The following TCF25 variants were observed in gnomAD, a reference collection of about 807,000 sequenced individuals.
TCF25 encodes the protein ribosome quality control complex subunit TCF25.
Under a neutral mutation model 83.1 loss-of-function variants are expected in TCF25, and 41 were observed. The observed-to-expected ratio is 0.49, with a 90% CI of 0.38 to 0.64. The LOEUF (loss-of-function observed/expected upper bound fraction) is 0.64. Among genes scored for constraint, TCF25 ranks in the 30% least tolerant of loss-of-function variants. The pLI is 0.00. For synonymous variants in TCF25, 458 were observed against 365.0 expected, an observed-to-expected ratio of 1.25 and a Z score of -2.90; for missense variants, 979 against 914.5, an observed-to-expected ratio of 1.07 and a Z score of -0.91.
chr16:89,904,941 G>GC lies in TCF25; in HGVS notation c.1478dup (p.Ala494CysfsTer48). 6.2e-7 allele frequency: 1 copy of GC among 1,605,066 alleles called. No homozygotes were observed. The highest frequency in any genetic ancestry group is 8.5e-7 in the Non-Finnish European group (1 of 1,176,302). ...CAGAGCCCTTGCTCTCCCCCAGCCA[G>GC]CCCCCTGCCCTGAGCCAGCTGGTGA... is the stretch of plus-strand genomic sequence containing the variant. On this transcript the variant is annotated frameshift_variant, in exon 14 of 18. Transcript: ENST00000263346. LOFTEE classifies it high-confidence loss of function.
chr16:89,882,830 G>C (rs1009337998), intron 1 of TCF25, among the ~76,000 whole-genome samples: 1 of 152,102 alleles, frequency 6.6e-6, no homozygotes, highest in Non-Finnish European at 1.5e-5. Flanking sequence ...CAAGTGATCC[G>C]CCTGCATCAA....
intron 9 of TCF25, among the ~76,000 whole-genome samples, chr16:89,896,608 C>T (rs2043873882): frequency 6.9e-6 from 1 of 144,618 alleles, no homozygotes; most frequent in African/African-American, 2.6e-5. Context: ...GGCCGGAGTG[C>T]AGGGGCGCGA....
intron 1 of TCF25, among the ~76,000 whole-genome samples, chr16:89,879,046 C>CA (rs1432971392): frequency 1.3e-5 from 2 of 152,204 alleles, no homozygotes; most frequent in African/African-American, 2.4e-5. Flanking sequence ...ACTGAAGAAG[C>CA]AAAACTAGGC....
In TCF25 at chr16:89,911,062, C is replaced by T; in HGVS notation, c.1873-18C>T. 1.2e-6 allele frequency: 2 copies of T among 1,610,340 alleles called. No homozygotes were observed. On this transcript the variant is annotated intron_variant, in intron 17 of 17. Transcript: ENST00000263346. ...CAGCACAGACAGCCCCCTTCTCAGA[C>T]ATGTCCCCTTGCTGCAGGGGGAGAG...
chr16:89,887,564 C>A lies in TCF25; in HGVS notation c.549-88C>A. On this transcript the variant is annotated intron_variant, in intron 4 of 17. Transcript: ENST00000263346. ...TTCAAACCAAAAATCCGTGTTCTCT[C>A]CTTGACTATTAGGTGGCTTTCTGAA... The A allele has an allele frequency of 2.3e-6, 3 of 1,300,332 alleles. No homozygotes were observed. The South Asian group carries it at 4.7e-5, about 20-fold the overall frequency. The allele number at this position is 1,300,332 out of a possible 1,614,324, so 80.5% of individuals were successfully genotyped here.
At chr16:89,879,122 C>T (rs2042405839) in intron 1 of TCF25, among the ~76,000 whole-genome samples, 1 of 151,194 alleles carries the variant, frequency 6.6e-6, no homozygotes, top group African/African-American at 2.4e-5. Context: ...TGTCCGTGTA[C>T]ACAGATGGGC....
chr16:89,887,692 G>A lies in TCF25; in HGVS notation c.589G>A (p.Ala197Thr). The change falls in exon 5 of 18, where the codon GCC (alanine) becomes ACC (threonine). Residue 197 changes from alanine (A) to threonine (T), a missense_variant. Physicochemically the swap from Ala to Thr is moderately conservative, Grantham distance 58. Transcript: ENST00000263346. Reference protein sequence around the residue: ...PDTELKRYFGARAILGEQRPR... With the variant: ...PDTELKRYFGTRAILGEQRPR... ...CACAGAACTGAAAAGGTATTTTGGT[G>A]CCCGGGCAATCCTGGGGGAGCAAAG... is the stretch of plus-strand genomic sequence containing the variant. 6.3e-7 allele frequency: 1 copy of A among 1,590,692 alleles called. No individual in the cohort carries two copies. Among genetic ancestry groups the A allele is most frequent in the Non-Finnish European group, 8.5e-7 (1 of 1,173,114 alleles).
At chr16:89,905,932 G>A (rs1469195346) in intron 14 of TCF25, among the ~76,000 whole-genome samples, 7 of 152,214 alleles carry the variant, frequency 4.6e-5, no homozygotes, top group East Asian at 1.9e-4. Context: ...CACTGGCTAC[G>A]GCTCTCATCG....
chr16:89,901,036 T>G, intron 12 of TCF25: 2 of 420,474 alleles, frequency 4.8e-6, no homozygotes, highest in Non-Finnish European at 8.8e-6. Context: ...GTGGGGCCTG[T>G]GTTCTAGAGT....
At chr16:89,886,380 A>AT (rs1451293462) in intron 4 of TCF25, among the ~76,000 whole-genome samples, 1 of 152,068 alleles carries the variant, frequency 6.6e-6, no homozygotes, top group Non-Finnish European at 1.5e-5. Context: ...GTGAGTCGAG[A>AT]TTGTGCCACT....
Position 89,911,357 on chromosome 16 carries a change from C to T in TCF25, c.*119C>T. 7.4e-7 allele frequency: 1 copy of T among 1,357,748 alleles called. No homozygotes were observed. The highest frequency in any genetic ancestry group is 2.4e-5 in the East Asian group (1 of 41,822). 84.1% of individuals were successfully genotyped at this position (1,357,748 alleles called of 1,614,324 possible). On this transcript the variant is annotated 3_prime_UTR_variant, in exon 18 of 18. Coordinates refer to ENST00000263346, the MANE Select transcript of TCF25 (RefSeq NM_014972.3). ...TGTGTCGCTCCCTGGTCCACTGTTT[C>T]TCCTATAAATGTAAATGGGTCACGC... is the stretch of plus-strand genomic sequence containing the variant.
chr16:89,898,058 G>C (rs1015073406), intron 9 of TCF25, among the ~76,000 whole-genome samples: 1 of 151,564 alleles, frequency 6.6e-6, no homozygotes, highest in Non-Finnish European at 1.5e-5. Flanking sequence ...GAGCCGAGCC[G>C]AGATAGCGCC....
At chr16:89,885,087 TCTCCCTCTGCCTGAC>T in intron 3 of TCF25, among the ~76,000 whole-genome samples, 5 of 141,408 alleles carry the variant, frequency 3.5e-5, no homozygotes, top group African/African-American at 1.1e-4. Context: ...CCTGACGCCC[TCTCCCTCTGCCTGAC>T]GCCCTCTCCC....
intron 1 of TCF25, chr16:89,878,452 T>TTC: frequency 2.4e-6 from 3 of 1,245,974 alleles, no homozygotes; most frequent in Non-Finnish European, 3.1e-6. Context: ...TTTTTTTTTT[T>TTC]TTTTTTAGGA....
At chr16:89,878,709 C>T (rs1000336590) in intron 1 of TCF25, 3 of 964,922 alleles carry the variant, frequency 3.1e-6, no homozygotes, top group Non-Finnish European at 3.8e-6. Flanking sequence ...GGCACCATCT[C>T]AGCTCACTGC....
chr16:89,878,434 ATTT>A (rs34120033), intron 1 of TCF25: 11,795 of 993,586 alleles, frequency 0.012, no homozygotes, highest in South Asian at 0.031. Context: ...AAAAATCACC[ATTT>A]TTTTTTTTTT....
intron 16 of TCF25, among the ~76,000 whole-genome samples, chr16:89,908,643 C>T (rs1278994750): frequency 8.1e-5 from 10 of 123,000 alleles, no homozygotes; most frequent in African/African-American, 1.8e-4. Flanking sequence ...CCTCCCACCT[C>T]CCAGCTCCCA....
chr16:89,905,911 C>T (rs11866200), intron 14 of TCF25, among the ~76,000 whole-genome samples: 7,464 of 152,304 alleles, frequency 0.049, 624 homozygotes, highest in African/African-American at 0.17. Flanking sequence ...CAGTGACTTC[C>T]CACAAGAAGC....
intron 1 of TCF25, among the ~76,000 whole-genome samples, chr16:89,877,513 G>A (rs765592729): frequency 1.1e-4 from 16 of 152,128 alleles, no homozygotes; most frequent in Non-Finnish European, 1.5e-4. Context: ...ACGATGATTA[G>A]AACTTTATCA....
Sources: allele counts gnomAD v4.1 joint callset (sites outside exome capture counted in the v4.1 genomes callset), GRCh38; gene constraint gnomAD v4.1.1; transcripts MANE v1.5; gene names NCBI Gene and HGNC (gene_info 2026-07-23, HGNC 2026-07-21).